ODAD1: variants seen among roughly 807,000 people sequenced by gnomAD.
The protein encoded by ODAD1 is outer dynein arm docking complex subunit 1.
Under a neutral mutation model 67.2 loss-of-function variants are expected in ODAD1, and 49 were observed. The ratio of observed to expected loss-of-function variants is 0.73; its 90% CI spans 0.58 to 0.92. ODAD1 has a LOEUF of 0.92. ODAD1 is among the 40% of genes least tolerant of loss of function. ODAD1 has a pLI of 0.00. For synonymous variants in ODAD1, 345 were observed against 393.7 expected, an observed-to-expected ratio of 0.88 and a Z score of 1.46; for missense variants, 897 against 953.7, an observed-to-expected ratio of 0.94 and a Z score of 0.78.
chr19:48,302,964 G>T, intron 11 of ODAD1, 49 bp downstream of exon 11: 1 of 1,598,082 alleles, frequency 6.3e-7, no homozygotes, highest in Non-Finnish European at 8.6e-7. Context: ...GGAAGGGGGC[G>T]GGGAGGCCGG....
intron 3 of ODAD1, 80 bp from the exon 4 acceptor site, chr19:48,318,892 T>G: frequency 1.2e-6 from 1 of 868,904 alleles, no homozygotes; most frequent in East Asian, 2.7e-5. Flanking sequence ...GGAATTCTGC[T>G]CCCTTTGGGG....
At chr19:48,309,634 G>A (rs1005477381) in intron 7 of ODAD1, among the ~76,000 whole-genome samples, 1 of 152,138 alleles carries the variant, frequency 6.6e-6, no homozygotes, top group African/African-American at 2.4e-5. Context: ...TCGGGCAAAG[G>A]CACCACTGGC....
At chr19:48,301,215 A>G (rs1968454309) in intron 12 of ODAD1, 1 of 152,264 alleles carries the variant, frequency 6.6e-6, no homozygotes, top group South Asian at 2.1e-4. Context: ...CATAGGTGAG[A>G]GCATAAAATC....
intron 14 of ODAD1, 155 bp downstream of exon 14, chr19:48,297,845 T>G (rs1352731848): frequency 4.8e-6 from 4 of 825,882 alleles, no homozygotes; most frequent in Non-Finnish European, 7.3e-6. Flanking sequence ...CTACTCCTTC[T>G]GGCTGCCTCG....
chr19:48,304,683 C>A (rs1475076274), intron 8 of ODAD1, among the ~76,000 whole-genome samples: 1 of 151,802 alleles, frequency 6.6e-6, no homozygotes, highest in Admixed American at 6.6e-5. Flanking sequence ...AAACACAACA[C>A]AAAACTCTCG....
intron 3 of ODAD1, among the ~76,000 whole-genome samples, chr19:48,319,266 C>A (rs148632457): frequency 6.6e-6 from 1 of 152,138 alleles, no homozygotes; most frequent in Non-Finnish European, 1.5e-5. Context: ...CAACTTCCAG[C>A]CTTCCTGCAC....
At chr19:48,306,874 C>T (rs1163627561) in intron 7 of ODAD1, among the ~76,000 whole-genome samples, 4 of 151,888 alleles carry the variant, frequency 2.6e-5, no homozygotes, top group African/African-American at 9.7e-5. Context: ...TAGAGAAACT[C>T]CATCTCTATT....
Position 48,318,456 on chromosome 19 carries a change from C to G in ODAD1, c.291G>C (p.Leu97=). The G allele has an allele frequency of 6.4e-7, 1 of 1,551,686 alleles. No homozygotes were observed. The highest frequency in any genetic ancestry group is 8.7e-7 in the Non-Finnish European group (1 of 1,146,990). The change falls in exon 5 of 16, where the codon CTG becomes CTC. Residue 97 remains leucine (L), a synonymous_variant. Coordinates refer to ENST00000674294, the MANE Select transcript of ODAD1 (RefSeq NM_001364171.2). The stretch of plus-strand genomic sequence containing the variant: ...CCGCCTGCACCTGGGCCCGGCCCTT[C>G]AGCAGGCGGTCCATGTTCTCCAGCC... ...SQRLENMDRL[L]KGRAQVQAEI...
chr19:48,297,572 C>G lies in ODAD1; in HGVS notation c.1581+18G>C. 1 of 1,575,644 alleles carries G rather than the reference C, an allele frequency of 6.3e-7. No individual in the cohort carries two copies. The highest frequency in any genetic ancestry group is 8.6e-7 in the Non-Finnish European group (1 of 1,162,478). On this transcript the variant is annotated intron_variant, in intron 15 of 15. Coordinates refer to ENST00000674294, the MANE Select transcript of ODAD1 (RefSeq NM_001364171.2). ...ACACACTGAGGCCTGGCCCCACCCC[C>G]GCAGGCCCCACTCTCACCAGCTTCT...
intron 10 of ODAD1, 109 bp from the exon 11 acceptor site, chr19:48,303,204 G>C: frequency 2.4e-6 from 2 of 837,788 alleles, no homozygotes; most frequent in Non-Finnish European, 4.1e-6. Context: ...TGAAGATGAG[G>C]AAGGCCACAC....
rs1028768136 is a variant in ODAD1 at position 48,321,944 on chromosome 19, C to T, written c.-330G>A. ...GGAAGCAGCCAAAAACGCTTGGCCG[C>T]CTACCACGTCCGCGCGCTGGAGGGC... On this transcript the variant is annotated 5_prime_UTR_variant, in exon 1 of 16. Transcript: ENST00000674294. The T allele has an allele frequency of 7.1e-5, 28 of 394,832 alleles. No individual in the cohort carries two copies. The highest frequency in any genetic ancestry group is 4.3e-4 in the East Asian group (12 of 27,938). 24.5% of individuals were successfully genotyped at this position (394,832 alleles called of 1,614,324 possible). A position where few individuals can be genotyped will look rare whatever the true frequency, so the allele number is the denominator to read the frequency against.
chr19:48,307,769 C>T (rs1302648977), intron 7 of ODAD1, among the ~76,000 whole-genome samples: 3 of 148,538 alleles, frequency 2.0e-5, no homozygotes, highest in African/African-American at 7.5e-5. Context: ...GAGCCGAGAT[C>T]ATGCCACTGC....
Position 48,318,820 on chromosome 19 carries a change from C to T in ODAD1, c.71-8G>A. ...TACTCAGCTCCCAATCCACTGAGAA[C>T]AGGGCCAGCCAAGGGACTCAGCAGG... On this transcript the variant is annotated splice_region_variant and splice_polypyrimidine_tract_variant and intron_variant, in intron 3 of 15. Transcript: ENST00000674294. 6.5e-7 allele frequency: 1 copy of T among 1,532,542 alleles called. No individual in the cohort carries two copies. Among genetic ancestry groups the T allele is most frequent in the Non-Finnish European group, 8.8e-7 (1 of 1,130,372 alleles). 94.9% of individuals were successfully genotyped at this position (1,532,542 alleles called of 1,614,324 possible).
intron 5 of ODAD1, among the ~76,000 whole-genome samples, chr19:48,312,449 C>G (rs1427973278): frequency 8.8e-6 from 1 of 113,178 alleles, no homozygotes; most frequent in Non-Finnish European, 1.6e-5. Context: ...GAGTCTTGCT[C>G]TGTCTCCCAG....
In ODAD1 at chr19:48,311,612, GCTC is replaced by G; in HGVS notation, c.535_537del (p.Glu179del). 1 of 1,551,384 alleles carries G rather than the reference GCTC, an allele frequency of 6.4e-7. No homozygotes were observed. The highest frequency in any genetic ancestry group is 8.7e-7 in the Non-Finnish European group (1 of 1,146,776). ...TTCCTGTCGATCCGCAGCAGATCCAGCTCCTCCCGCAGGGCCGCATTCCGTACC... is the reference window on the plus strand; with the variant it reads ...TTCCTGTCGATCCGCAGCAGATCCAGCTCCCGCAGGGCCGCATTCCGTACC... On this transcript the variant is annotated inframe_deletion, in exon 7 of 16. Coordinates refer to ENST00000674294, the MANE Select transcript of ODAD1 (RefSeq NM_001364171.2).
At chr19:48,298,757 T>TA (rs1216188906) in intron 12 of ODAD1, among the ~76,000 whole-genome samples, 2 of 152,192 alleles carry the variant, frequency 1.3e-5, no homozygotes, top group African/African-American at 4.8e-5. Flanking sequence ...CAGACTGAGT[T>TA]AGGGCCTTCT....
intron 3 of ODAD1, 172 bp downstream of exon 3, chr19:48,320,127 G>T: frequency 1.0e-6 from 1 of 984,922 alleles, no homozygotes; most frequent in Non-Finnish European, 1.3e-6. Flanking sequence ...CACTGCCCAG[G>T]CTTGGCCCAC....
intron 6 of ODAD1, 71 bp from the exon 7 acceptor site, chr19:48,311,737 A>T (rs1455917074): frequency 1.0e-6 from 1 of 957,364 alleles, no homozygotes; most frequent in Admixed American, 2.0e-5. Context: ...AGCTCAGCCA[A>T]GGAGGAGACA....
rs749886957 is a variant in ODAD1, at chr19:48,304,212, G to T, written c.666-72C>A. 8.2e-6 allele frequency: 12 copies of T among 1,459,900 alleles called. No individual in the cohort carries two copies. In the South Asian group the frequency reaches 1.1e-4, roughly 13 times the overall value. The allele number at this position is 1,459,900 out of a possible 1,614,324, so 90.4% of individuals were successfully genotyped here. A position where few individuals can be genotyped will look rare whatever the true frequency, so the allele number is the denominator to read the frequency against. On this transcript the variant is annotated intron_variant, in intron 8 of 15. Transcript: ENST00000674294. Reference sequence around the variant, plus strand: ...TCGGCCTGGGGTCCTGGGGATGGGCGGGGTCAGCCAGAGGTTGTGGGGGGT... The same window carrying T: ...TCGGCCTGGGGTCCTGGGGATGGGCTGGGTCAGCCAGAGGTTGTGGGGGGT...
Sources: gnomAD v4.1 joint callset for allele counts (sites outside exome capture counted in the v4.1 genomes callset) on GRCh38, gnomAD v4.1.1 for gene constraint, MANE v1.5 for transcripts, NCBI Gene and HGNC (gene_info 2026-07-23, HGNC 2026-07-21) for gene names.